The following UQCC6 variants were observed in gnomAD, a reference collection of about 807,000 sequenced individuals.
The protein encoded by UQCC6 is protein BRAWNIN.
chr12:103,958,805 T>C, the UQCC6 span, among the ~76,000 whole-genome samples: 1 of 152,298 alleles, frequency 6.6e-6, no homozygotes, highest in East Asian at 1.9e-4. Context: ...CTAATCTGAG[T>C]CACATACGGT....
At chr12:103,960,256 A>G in the UQCC6 span, among the ~76,000 whole-genome samples, 1 of 152,018 alleles carries the variant, frequency 6.6e-6, no homozygotes, top group Non-Finnish European at 1.5e-5. Flanking sequence ...TTTTTTTAGT[A>G]GAGACGGGGT....
the UQCC6 span, among the ~76,000 whole-genome samples, chr12:103,961,896 G>C: frequency 6.6e-6 from 1 of 152,024 alleles, no homozygotes; most frequent in African/African-American, 2.4e-5. Flanking sequence ...CCTATGTTTA[G>C]ATACATACTT....
the UQCC6 span, among the ~76,000 whole-genome samples, chr12:103,952,975 A>G: frequency 6.6e-6 from 1 of 152,190 alleles, no homozygotes; most frequent in African/African-American, 2.4e-5. Context: ...AAGTATTCAC[A>G]GAGAGGTTAA....
At chr12:103,951,858 G>C in the UQCC6 span, among the ~76,000 whole-genome samples, 4 of 152,102 alleles carry the variant, frequency 2.6e-5, no homozygotes, top group African/African-American at 9.7e-5. Context: ...ACGTACTGCA[G>C]GACTCACAAA....
the UQCC6 span, chr12:103,956,504 C>A: frequency 1.5e-6 from 1 of 655,572 alleles, no homozygotes. Flanking sequence ...ACTTTTGCTG[C>A]CACGAGGAGA....
At chr12:103,963,139 T>C in the UQCC6 span, among the ~76,000 whole-genome samples, 2 of 151,250 alleles carry the variant, frequency 1.3e-5, no homozygotes, top group African/African-American at 4.9e-5. Context: ...AGTGGCATGA[T>C]CTCAGCTCAC....
chr12:103,956,450 G>T, the UQCC6 span: 1 of 569,090 alleles, frequency 1.8e-6, no homozygotes, highest in Non-Finnish European at 3.2e-6. Flanking sequence ...CCATCCAAAG[G>T]TTTTGGGCCC....
At chr12:103,965,373 G>A in the UQCC6 span, 1 of 152,132 alleles carries the variant, frequency 6.6e-6, no homozygotes, top group South Asian at 2.1e-4. Flanking sequence ...TGCGGAGAGT[G>A]GTTTATGTAG....
chr12:103,956,041 A>C, the UQCC6 span, among the ~76,000 whole-genome samples: 1 of 152,250 alleles, frequency 6.6e-6, no homozygotes, highest in African/African-American at 2.4e-5. Context: ...CTACTGAAGC[A>C]AACTGACAAA....
the UQCC6 span, among the ~76,000 whole-genome samples, chr12:103,952,882 T>C: frequency 6.6e-6 from 1 of 152,190 alleles, no homozygotes; most frequent in Non-Finnish European, 1.5e-5. Flanking sequence ...TTCAGGCAGA[T>C]GGAACCACAA....
At chr12:103,953,522 T>C in the UQCC6 span, 1 of 702,378 alleles carries the variant, frequency 1.4e-6, no homozygotes, top group Non-Finnish European at 2.6e-6. Context: ...GAAAGACTTG[T>C]GATCCAGTTT....
At chr12:103,955,298 CAG>C in the UQCC6 span, among the ~76,000 whole-genome samples, 4 of 151,930 alleles carry the variant, frequency 2.6e-5, no homozygotes, top group Admixed American at 6.6e-5. Flanking sequence ...GCCTGGGTGA[CAG>C]AGTGAGACTG....
chr12:103,961,713 C>G, the UQCC6 span, among the ~76,000 whole-genome samples: 1 of 152,010 alleles, frequency 6.6e-6, no homozygotes, highest in African/African-American at 2.4e-5. Context: ...CCCGCCACTA[C>G]GCCCAGCTAA....
chr12:103,957,766 C>A, the UQCC6 span, among the ~76,000 whole-genome samples: 12 of 151,424 alleles, frequency 7.9e-5, no homozygotes, highest in Non-Finnish European at 1.8e-4. Flanking sequence ...GGGCCGGGGG[C>A]GGTGGCTTAC....
chr12:103,958,678 A>G, the UQCC6 span, among the ~76,000 whole-genome samples: 71 of 152,316 alleles, frequency 4.7e-4, 1 homozygote, highest in East Asian at 0.013. Context: ...CAATTGGTTT[A>G]TCTATTCACT....
chr12:103,958,768 A>G, the UQCC6 span, among the ~76,000 whole-genome samples: 1 of 152,224 alleles, frequency 6.6e-6, no homozygotes, highest in Non-Finnish European at 1.5e-5. Context: ...CCTAAAAAAA[A>G]CACTGTAAGC....
the UQCC6 span, among the ~76,000 whole-genome samples, chr12:103,961,041 G>A: frequency 2.0e-5 from 3 of 152,154 alleles, no homozygotes; most frequent in African/African-American, 7.2e-5. Context: ...AGGAGATGAC[G>A]ACTCCCTGTG....
At chr12:103,951,963 T>C in the UQCC6 span, among the ~76,000 whole-genome samples, 2 of 152,348 alleles carry the variant, frequency 1.3e-5, no homozygotes, top group Admixed American at 6.5e-5. Context: ...ACTGACTCTC[T>C]ACCATGTGCC....
At chr12:103,953,449 A>T in the UQCC6 span, 1 of 702,362 alleles carries the variant, frequency 1.4e-6, no homozygotes, top group South Asian at 1.5e-5. Flanking sequence ...ACTGAGCACA[A>T]GTCTAGGCAG....
Sources: gnomAD v4.1 joint callset for allele counts (sites outside exome capture counted in the v4.1 genomes callset) on GRCh38, gnomAD v4.1.1 for gene constraint, MANE v1.5 for transcripts, NCBI Gene and HGNC (gene_info 2026-07-23, HGNC 2026-07-21) for gene names.